AHI1: variants seen among roughly 807,000 people sequenced by gnomAD.
The protein encoded by AHI1 is Abelson helper integration site 1.
A neutral mutation model predicts 149.3 loss-of-function variants in AHI1; 123 were observed. The ratio of observed to expected loss-of-function variants is 0.82; its 90% confidence interval spans 0.71 to 0.96. AHI1 has a LOEUF of 0.96. Among genes scored for constraint, AHI1 ranks in the 40% least tolerant of loss-of-function variants. The probability of loss-of-function intolerance (pLI) is 0.00; values close to 1 mark genes in which losing one functional copy is unlikely to be tolerated. For missense variants in AHI1, 1,439 were observed against 1,422.7 expected (o/e 1.01, Z -0.18); for synonymous variants, 475 against 459.8 (o/e 1.03, Z -0.42).
chr6:135,312,410 A>G (rs1477145712), intron 26 of AHI1, among the ~76,000 whole-genome samples: 3 of 152,132 alleles, frequency 2.0e-5, no homozygotes, highest in African/African-American at 7.2e-5. Flanking sequence ...GCTACTTGGG[A>G]GGCTGAGGCA....
intron 26 of AHI1, among the ~76,000 whole-genome samples, chr6:135,303,566 T>C (rs1432717268): frequency 2.0e-5 from 3 of 151,844 alleles, no homozygotes; most frequent in African/African-American, 4.8e-5. Context: ...TTTTTTTTTT[T>C]CACTTGAAAG....
At chr6:135,463,604 T>C (rs1411980233) in intron 7 of AHI1, among the ~76,000 whole-genome samples, 2 of 152,174 alleles carry the variant, frequency 1.3e-5, no homozygotes, top group South Asian at 2.1e-4. Context: ...TCTCTTTACA[T>C]AGGACTTATC....
chr6:135,431,032 T>C (rs1461422967), intron 17 of AHI1, among the ~76,000 whole-genome samples, 176 bp downstream of exon 17: 2 of 152,026 alleles, frequency 1.3e-5, no homozygotes, highest in African/African-American at 4.8e-5. Context: ...ACTAAGTCGT[T>C]ATATCATCAG....
intron 24 of AHI1, among the ~76,000 whole-genome samples, chr6:135,327,614 C>T (rs183890245): frequency 6.6e-6 from 1 of 152,222 alleles, no homozygotes; most frequent in East Asian, 1.9e-4. Flanking sequence ...TAGGGGCAGG[C>T]CTCAGAAAAC....
intron 22 of AHI1, among the ~76,000 whole-genome samples, chr6:135,395,165 G>T (rs896069509): frequency 2.6e-5 from 4 of 151,984 alleles, no homozygotes; most frequent in Non-Finnish European, 5.9e-5. Context: ...TAATAACTTA[G>T]AGTGGTCTTA....
At chr6:135,395,042 A>T (rs1432870813) in intron 22 of AHI1, 146 bp from the exon 23 acceptor site, 1 of 745,352 alleles carries the variant, frequency 1.3e-6, no homozygotes, top group East Asian at 2.8e-5. Flanking sequence ...GTTAGTTTGT[A>T]AACTTTACAA....
rs1387817125 is a variant in AHI1 at position 135,433,123 on chromosome 6, T to C, written c.2170A>G (p.Ile724Val). Residue 724 changes from isoleucine to valine, a missense_variant, in exon 16 of 29, where the codon ATA becomes GTA. Transcript: ENST00000265602. Reference protein sequence around the residue: ...VTGCYDSMIRIWKVEMREDSA... With the variant: ...VTGCYDSMIRVWKVEMREDSA... ...TCTTCTCTCATCTCAACTTTCCATA[T>C]CCGTATCATGGAATCATAGCATCCT... is the stretch of plus-strand genomic sequence containing the variant. The C allele has an allele frequency of 6.2e-7, 1 of 1,613,366 alleles. No individual in the cohort carries two copies. The highest frequency in any genetic ancestry group is 8.5e-7 in the Non-Finnish European group (1 of 1,179,414).
intron 24 of AHI1, among the ~76,000 whole-genome samples, chr6:135,341,794 TG>T (rs1790412065): frequency 6.6e-6 from 1 of 151,790 alleles, no homozygotes; most frequent in Admixed American, 6.6e-5. Flanking sequence ...CCAATATGTA[TG>T]GGGTGTAGAA....
At chr6:135,487,303 A>G (rs747916391) in intron 5 of AHI1, among the ~76,000 whole-genome samples, 1 of 152,138 alleles carries the variant, frequency 6.6e-6, no homozygotes, top group Non-Finnish European at 1.5e-5. Context: ...ACTTTTAACT[A>G]TACGCTAGGG....
intron 24 of AHI1, among the ~76,000 whole-genome samples, chr6:135,343,124 A>G (rs183015967): frequency 9.9e-5 from 15 of 152,012 alleles, no homozygotes; most frequent in Admixed American, 4.6e-4. Context: ...GCAATATACA[A>G]AAAACCACTT....
chr6:135,346,334 A>C, intron 24 of AHI1, among the ~76,000 whole-genome samples: 1 of 152,050 alleles, frequency 6.6e-6, no homozygotes, highest in East Asian at 1.9e-4. Context: ...AGCTGGGACT[A>C]CAGGTGCTCG....
At chr6:135,482,562 C>T (rs547270195) in intron 5 of AHI1, among the ~76,000 whole-genome samples, 32 of 152,052 alleles carry the variant, frequency 2.1e-4, no homozygotes, top group Non-Finnish European at 4.0e-4. Flanking sequence ...ATGCTAATTG[C>T]ATACAGTCAA....
At chr6:135,439,694 G>C (rs1268294177) in intron 14 of AHI1, among the ~76,000 whole-genome samples, 1 of 152,134 alleles carries the variant, frequency 6.6e-6, no homozygotes, top group African/African-American at 2.4e-5. Flanking sequence ...CAAAAGTAAT[G>C]GCCTTTAGTG....
rs535545889 is a variant in AHI1, at chr6:135,455,649, A to T, written c.1344+85T>A. The T allele has an allele frequency of 2.3e-5, 25 of 1,078,476 alleles. No individual in the cohort carries two copies. The East Asian group carries it at 4.0e-4, about 17-fold the overall frequency. 66.8% of individuals were successfully genotyped at this position (1,078,476 alleles called of 1,614,324 possible). The stretch of plus-strand genomic sequence containing the variant: ...CTCACACAACTTTTTTTTTTGCCTT[A>T]CTGGACTACTAAAAATAATAGCTTA... On this transcript the variant is annotated intron_variant, in intron 10 of 28. Transcript: ENST00000265602.
chr6:135,365,604 T>A (rs1453818676), intron 23 of AHI1, among the ~76,000 whole-genome samples: 1 of 152,242 alleles, frequency 6.6e-6, no homozygotes, highest in Non-Finnish European at 1.5e-5. Flanking sequence ...CTTGGTTTGA[T>A]TCTCAGCTTG....
chr6:135,322,056 G>T (rs1786927541), intron 25 of AHI1, among the ~76,000 whole-genome samples: 1 of 152,194 alleles, frequency 6.6e-6, no homozygotes, highest in Non-Finnish European at 1.5e-5. Flanking sequence ...GCCTGCCTCG[G>T]CCTCCCAAAG....
At chr6:135,384,269 G>A (rs548379810) in intron 23 of AHI1, among the ~76,000 whole-genome samples, 1 of 152,140 alleles carries the variant, frequency 6.6e-6, no homozygotes, top group Non-Finnish European at 1.5e-5. Flanking sequence ...AACATTCAAT[G>A]ATTAAAGTAG....
At chr6:135,356,829 T>C (rs150864212) in intron 24 of AHI1, among the ~76,000 whole-genome samples, 1 of 152,306 alleles carries the variant, frequency 6.6e-6, no homozygotes, top group East Asian at 1.9e-4. Context: ...CATATTAAGT[T>C]ATCAAACATG....
Position 135,355,237 on chromosome 6 carries a change from G to GT in AHI1, c.3165+2894dup, listed in dbSNP as rs756927847. The stretch of plus-strand genomic sequence containing the variant: ...CAAAAAAATTAAGTGATTATAGACA[G>GT]TTAAAAATAGAGGTTTGATTCTTTT... On this transcript the variant is annotated intron_variant, in intron 24 of 28. Transcript: ENST00000265602. Among the ~76,000 whole-genome samples, 6 of 152,060 alleles carry GT rather than the reference G, an allele frequency of 3.9e-5. No homozygotes were observed. The East Asian group carries it at 1.2e-3, about 29-fold the overall frequency.
Sources: allele counts gnomAD v4.1 joint callset (sites outside exome capture counted in the v4.1 genomes callset), GRCh38; gene constraint gnomAD v4.1.1; transcripts MANE v1.5; gene names NCBI Gene and HGNC (gene_info 2026-07-23, HGNC 2026-07-21).